Variants in TENM3 observed in about 807,000 individuals in gnomAD.
TENM3 encodes teneurin-3.
Under a neutral mutation model 255.1 loss-of-function variants are expected in TENM3, and 63 were observed. The observed-to-expected ratio is 0.25, with a 90% confidence interval of 0.20 to 0.30. TENM3 has a LOEUF of 0.30. TENM3 is among the 10% of genes least tolerant of loss of function. The probability of loss-of-function intolerance (pLI) is 1.00; values close to 1 mark genes in which losing one functional copy is unlikely to be tolerated. For synonymous variants in TENM3, 1,306 were observed against 1,322.3 expected (o/e 0.99, Z 0.27); for missense variants, 2,929 against 3,461.1 (o/e 0.85, Z 3.86).
At chr4:182,742,236 C>G (rs1357189019) in intron 18 of TENM3, among the ~76,000 whole-genome samples, 1 of 152,228 alleles carries the variant, frequency 6.6e-6, no homozygotes, top group African/African-American at 2.4e-5. Flanking sequence ...CAACTCAAAT[C>G]TAATTTCTAA....
At chr4:181,994,554 G>GGTTTTTTTTTTTTTT in the TENM3 span, among the ~76,000 whole-genome samples, 1 of 128,394 alleles carries the variant, frequency 7.8e-6, no homozygotes, top group African/African-American at 3.0e-5. Context: ...TTTTTTGTGG[G>GGTTTTTTTTTTTTTT]TTTTTTTTTT....
At chr4:182,590,942 T>C (rs761966984) in intron 3 of TENM3, among the ~76,000 whole-genome samples, 1 of 152,208 alleles carries the variant, frequency 6.6e-6, no homozygotes, top group African/African-American at 2.4e-5. Flanking sequence ...ACCTGCACTT[T>C]ACGTTTTTTC....
the TENM3 span, among the ~76,000 whole-genome samples, chr4:181,739,748 A>G: frequency 1.3e-5 from 2 of 152,152 alleles, no homozygotes; most frequent in Admixed American, 1.3e-4. Context: ...ATCACAGAAG[A>G]CAGTTCTTTG....
chr4:181,561,298 A>G, the TENM3 span, among the ~76,000 whole-genome samples: 1 of 152,202 alleles, frequency 6.6e-6, no homozygotes. Flanking sequence ...GTAGTTTAAT[A>G]TATAATGTAA....
At chr4:181,661,152 G>A in the TENM3 span, among the ~76,000 whole-genome samples, 20 of 152,232 alleles carry the variant, frequency 1.3e-4, 1 homozygote, top group East Asian at 7.7e-4. Flanking sequence ...AATCAGTTGC[G>A]TAATGGTGAA....
chr4:182,394,111 G>A (rs957131106), intron 3 of TENM3, among the ~76,000 whole-genome samples: 3 of 149,624 alleles, frequency 2.0e-5, no homozygotes, highest in African/African-American at 7.7e-5. Flanking sequence ...CTACAGAGTA[G>A]TTATTAAGAA....
intron 1 of TENM3, among the ~76,000 whole-genome samples, chr4:182,192,730 AGT>A (rs1407742749): frequency 6.6e-6 from 1 of 152,206 alleles, no homozygotes; most frequent in Non-Finnish European, 1.5e-5. Context: ...TCCCAAGATA[AGT>A]GTGGGGGATG....
At chr4:181,909,588 G>A in the TENM3 span, among the ~76,000 whole-genome samples, 3 of 152,014 alleles carry the variant, frequency 2.0e-5, no homozygotes, top group Non-Finnish European at 4.4e-5. Context: ...CAGCTGGGGA[G>A]AATTTCCCCA....
At chr4:182,088,694 C>T in the TENM3 span, among the ~76,000 whole-genome samples, 16 of 151,878 alleles carry the variant, frequency 1.1e-4, no homozygotes, top group African/African-American at 3.1e-4. Context: ...ATTCACTGGG[C>T]GTGGTGGCAA....
At chr4:181,836,877 C>A in the TENM3 span, among the ~76,000 whole-genome samples, 2 of 152,108 alleles carry the variant, frequency 1.3e-5, no homozygotes, top group Admixed American at 6.5e-5. Context: ...CTTTAAAATA[C>A]TGAGTTTACT....
intron 5 of TENM3, among the ~76,000 whole-genome samples, chr4:182,633,106 T>C (rs573855545): frequency 2.0e-4 from 31 of 151,944 alleles, no homozygotes; most frequent in Non-Finnish European, 3.5e-4. Context: ...ATTGTTTTTA[T>C]TTTTTTGTAG....
the TENM3 span, among the ~76,000 whole-genome samples, chr4:182,051,985 A>G: frequency 6.6e-6 from 1 of 152,092 alleles, no homozygotes; most frequent in Non-Finnish European, 1.5e-5. Flanking sequence ...ATTTGGCAAT[A>G]TCAAGAGCCA....
intron 3 of TENM3, among the ~76,000 whole-genome samples, chr4:182,481,043 T>G (rs997053516): frequency 6.7e-6 from 1 of 150,060 alleles, no homozygotes; most frequent in Non-Finnish European, 1.5e-5. Context: ...TATAATCCTC[T>G]TATCTATTGC....
At chr4:182,239,063 G>A (rs1393227580), upstream of TENM3, among the ~76,000 whole-genome samples, 12 of 130,242 alleles carry the variant, frequency 9.2e-5, no homozygotes, top group East Asian at 1.2e-3. Context: ...GTGTGTGTGT[G>A]TGTGTGTGTG....
chr4:181,778,557 T>G, the TENM3 span, among the ~76,000 whole-genome samples: 1 of 152,178 alleles, frequency 6.6e-6, no homozygotes, highest in Non-Finnish European at 1.5e-5. Context: ...AGTGTCTTTA[T>G]GATGGGATGG....
intron 3 of TENM3, among the ~76,000 whole-genome samples, chr4:182,435,361 C>G (rs1403587471): frequency 6.6e-6 from 1 of 152,144 alleles, no homozygotes; most frequent in East Asian, 1.9e-4. Flanking sequence ...TCTTCTGTGA[C>G]TTGACTTGTG....
chr4:181,871,039 A>G, the TENM3 span, among the ~76,000 whole-genome samples: 1 of 152,056 alleles, frequency 6.6e-6, no homozygotes, highest in Non-Finnish European at 1.5e-5. Flanking sequence ...TTTCAAATTG[A>G]ATAGCTTTTG....
the TENM3 span, among the ~76,000 whole-genome samples, chr4:181,927,362 C>G: frequency 1.3e-5 from 2 of 152,192 alleles, no homozygotes; most frequent in Non-Finnish European, 1.5e-5. Flanking sequence ...ATTACTGGGG[C>G]CTGAGTAGGT....
chr4:182,399,124 A>G (rs1370866349), intron 3 of TENM3, among the ~76,000 whole-genome samples: 2 of 152,222 alleles, frequency 1.3e-5, no homozygotes, highest in African/African-American at 4.8e-5. Flanking sequence ...CTTATAAATC[A>G]TTACATACAA....
Sources: allele counts gnomAD v4.1 joint callset (sites outside exome capture counted in the v4.1 genomes callset), GRCh38; gene constraint gnomAD v4.1.1; transcripts MANE v1.5; gene names NCBI Gene and HGNC (gene_info 2026-07-23, HGNC 2026-07-21).